NUMA1: variants seen among roughly 807,000 people sequenced by gnomAD.
The protein encoded by NUMA1 is nuclear mitotic apparatus protein 1, also known as SP-H antigen.
NUMA1 carries 62 observed loss-of-function variants against 237.1 expected under a neutral mutation model. The observed-to-expected ratio is 0.26, with a 90% confidence interval of 0.21 to 0.32. The LOEUF is 0.32. NUMA1 is among the 10% of genes least tolerant of loss of function. The pLI is 1.00. For missense variants in NUMA1, 2,533 were observed against 2,666.5 expected, an observed-to-expected ratio of 0.95 and a Z score of 1.10; for synonymous variants, 1,028 against 1,066.1, an observed-to-expected ratio of 0.96 and a Z score of 0.70.
chr11:72,018,764 C>T, intron 10 of NUMA1, 59 bp downstream of exon 10: 9 of 1,566,700 alleles, frequency 5.7e-6, no homozygotes, highest in Non-Finnish European at 7.8e-6. Flanking sequence ...ACATGGGAGG[C>T]CAGGGGACAT....
intron 2 of NUMA1, among the ~76,000 whole-genome samples, chr11:72,040,249 G>A (rs1337801436): frequency 2.0e-5 from 3 of 152,086 alleles, no homozygotes; most frequent in Non-Finnish European, 4.4e-5. Flanking sequence ...GAACCCCAAA[G>A]CCCTGGAGAG....
rs1956289915 is a variant in NUMA1, at chr11:72,013,538, G to A, written c.3965C>T (p.Ala1322Val). The A allele has an allele frequency of 8.7e-6, 14 of 1,613,488 alleles. No homozygotes were observed. The highest frequency in any genetic ancestry group is 8.5e-6 in the Non-Finnish European group (10 of 1,180,028). Residue 1322 changes from alanine to valine, a missense_variant, in exon 15 of 27, where the codon GCG (alanine) becomes GTG (valine). Physicochemically the swap from Ala to Val is moderately conservative, Grantham distance 64. Coordinates refer to ENST00000393695, the MANE Select transcript of NUMA1 (RefSeq NM_006185.4). The surrounding 1 kb of genome is among the most constrained non-coding windows in gnomAD (Gnocchi z 6.8). ...CTTCAATTCTTGGCCCAGCTCCTCCGCACGCTCAGCCTGTGAGGTCAGCTC... is the reference window on the plus strand; with the variant it reads ...CTTCAATTCTTGGCCCAGCTCCTCCACACGCTCAGCCTGTGAGGTCAGCTC... ...RQELTSQAER[A>V]EELGQELKAW...
At chr11:72,051,625 C>G (rs1942367264) in intron 2 of NUMA1, among the ~76,000 whole-genome samples, 1 of 152,086 alleles carries the variant, frequency 6.6e-6, no homozygotes, top group Admixed American at 6.6e-5. Context: ...GTGTGCAGGA[C>G]CATGCCCAGC....
chr11:72,039,388 CCTTT>C (rs1380041057), intron 2 of NUMA1, among the ~76,000 whole-genome samples: 1 of 152,230 alleles, frequency 6.6e-6, no homozygotes, highest in African/African-American at 2.4e-5. Flanking sequence ...GGTGCCAGCT[CCTTT>C]GAGACTGCCT....
chr11:72,044,460 G>A (rs763988664), intron 2 of NUMA1, among the ~76,000 whole-genome samples: 3 of 152,012 alleles, frequency 2.0e-5, no homozygotes, highest in Non-Finnish European at 4.4e-5. Context: ...CCTGGAGCAG[G>A]AGACTGGATC....
Position 72,018,996 on chromosome 11 carries a change from G to A in NUMA1, c.585-16C>T. ...TGAGAGAAAGCTGAGGAGGGAGAAGGCCCATATGCATTGGTAAGCGCCTAA... is the reference window on the plus strand; with the variant it reads ...TGAGAGAAAGCTGAGGAGGGAGAAGACCCATATGCATTGGTAAGCGCCTAA... On this transcript the variant is annotated splice_polypyrimidine_tract_variant and intron_variant, in intron 9 of 26. Transcript: ENST00000393695. 2 of 1,612,958 alleles carry A rather than the reference G, an allele frequency of 1.2e-6. No homozygotes were observed. The highest frequency in any genetic ancestry group is 1.3e-5 in the African/African-American group (1 of 74,938).
In NUMA1 at chr11:72,040,445, TAC is replaced by T. The variant is rs66621771; in HGVS notation, c.-32-4472_-32-4471del. Among the ~76,000 whole-genome samples the T allele has an allele frequency of 3.0e-3, 409 of 136,464 alleles. 10 individuals carry two copies. Among genetic ancestry groups the T allele is most frequent in the Middle Eastern group, 0.015 (4 of 274 alleles). The allele number at this position is 136,464 out of a possible 152,430, so 89.5% of individuals were successfully genotyped here. ...TGTATTGTACTGGGGCGCGTACACA[TAC>T]ACACACACACACACACACACACACA... On this transcript the variant is annotated intron_variant, in intron 2 of 26. Transcript: ENST00000393695.
intron 24 of NUMA1, 21 bp downstream of exon 24, chr11:72,004,619 C>T: frequency 6.2e-7 from 1 of 1,608,174 alleles, no homozygotes; most frequent in South Asian, 1.1e-5. Flanking sequence ...TGGAGTAACA[C>T]CCAGGAGCCA....
In NUMA1 at chr11:72,008,833, C is replaced by G. The variant is rs764909634; in HGVS notation, c.5071G>C (p.Asp1691His). 3.7e-6 allele frequency: 6 copies of G among 1,614,150 alleles called. No homozygotes were observed. The South Asian group carries it at 6.6e-5, about 18-fold the overall frequency. The stretch of plus-strand genomic sequence containing the variant: ...TTGCCCAGGTCTCGAAGCTGCTGGT[C>G]TGCATGGGCAACCTGAGAAGGAGAG... ...RSLEAQVAHA[D>H]QQLRDLGKFQ... Residue 1691 changes from aspartate to histidine, a missense_variant, in exon 20 of 27, where the codon GAC (aspartate) becomes CAC (histidine). By Grantham distance (81) the Asp-to-His change is moderately conservative (BLOSUM62 -1). Coordinates refer to ENST00000393695, the MANE Select transcript of NUMA1 (RefSeq NM_006185.4).
chr11:72,036,455 C>G (rs1378454165), intron 2 of NUMA1, among the ~76,000 whole-genome samples: 1 of 152,210 alleles, frequency 6.6e-6, no homozygotes, highest in Non-Finnish European at 1.5e-5. Flanking sequence ...AAAGATAAAG[C>G]AAATAGTACG....
chr11:72,009,188 G>A lies in NUMA1; in HGVS notation c.4840-3C>T. 1 of 1,591,816 alleles carries A rather than the reference G, an allele frequency of 6.3e-7. No individual in the cohort carries two copies. The highest frequency in any genetic ancestry group is 1.1e-5 in the South Asian group (1 of 89,768). ...TAATGTGTTTTGGCTTTCTCCATCT[G>A]TGGGCAGAGAGGGTGGGTGGGTGGG... On this transcript the variant is annotated splice_polypyrimidine_tract_variant and splice_region_variant and intron_variant, in intron 18 of 26. Transcript: ENST00000393695.
Position 72,012,389 on chromosome 11 carries a change from CT to C in NUMA1, c.4650+11del. 6.2e-7 allele frequency: 1 copy of C among 1,612,500 alleles called. No homozygotes were observed. The highest frequency in any genetic ancestry group is 1.1e-5 in the South Asian group (1 of 90,630). On this transcript the variant is annotated intron_variant, in intron 16 of 26. Transcript: ENST00000393695. ...TAAGCAGCCAGCATTTAGCGAGGAC[CT>C]CAGGCATTACCTGCTTAGTTTGCTC...
Position 72,030,297 on chromosome 11 carries a change from C to G in NUMA1, c.43-1007G>C, listed in dbSNP as rs182972203. 5.5e-5 allele frequency among the ~76,000 whole-genome samples: 8 copies of G among 146,518 alleles called. 1 individual carries two copies. Among genetic ancestry groups the G allele is most frequent in the Admixed American group, 4.9e-4 (7 of 14,252 alleles). On this transcript the variant is annotated intron_variant, in intron 3 of 26. Transcript: ENST00000393695. The stretch of plus-strand genomic sequence containing the variant: ...GCTGCAGTGAGCTGGGATTGCATCA[C>G]TGTACTCTAGCCTGAGTGACAGAGC...
chr11:72,049,623 C>G (rs1591040824), intron 2 of NUMA1: 1 of 76,506 alleles, frequency 1.3e-5, no homozygotes, highest in Non-Finnish European at 2.7e-5. Context: ...TTTGCCTATT[C>G]ATCTATCTAT....
At position 72,007,473 on chromosome 11, in the gene NUMA1, G is replaced by A. The variant is rs768552405; in HGVS notation, c.5217-38C>T. ...AACCTGCTGAGGTACAGTCCTTCAC[G>A]CTAGAAGGCATTTTGTCCAGCCCTT... On this transcript the variant is annotated intron_variant, in intron 20 of 26. Coordinates refer to ENST00000393695, the MANE Select transcript of NUMA1 (RefSeq NM_006185.4). 3.0e-5 allele frequency: 48 copies of A among 1,607,332 alleles called. 1 individual carries two copies. The highest frequency in any genetic ancestry group is 9.9e-5 in the South Asian group (9 of 90,492).
Position 72,009,034 on chromosome 11 carries a change from AGCCCAGCCTGCTGTAGCTCATG to A in NUMA1, c.4969_4990del (p.His1657Ter). The A allele has an allele frequency of 6.2e-7, 1 of 1,613,760 alleles. No homozygotes were observed. The highest frequency in any genetic ancestry group is 8.5e-7 in the Non-Finnish European group (1 of 1,180,008). On this transcript the variant is annotated frameshift_variant, in exon 19 of 27. Transcript: ENST00000393695. LOFTEE classifies it high-confidence loss of function. ...GGTCTGTTCAGCCTCCTTGGTCTTC[AGCCCAGCCTGCTGTAGCTCATG>A]GCCCAGCCGTTCAGCTTCAGCTCGC...
intron 2 of NUMA1, chr11:72,048,063 T>C (rs1292817689): frequency 6.6e-6 from 1 of 152,142 alleles, no homozygotes; most frequent in African/African-American, 2.4e-5. Context: ...GTCATGTAAG[T>C]AGTAAGTTGT....
chr11:72,013,739 A>G lies in NUMA1; in HGVS notation c.3764T>C (p.Val1255Ala). Reference protein sequence around the residue: ...EGESKELKRLVMAESEKSQKL... With the variant: ...EGESKELKRLAMAESEKSQKL... ...CTGGCTCTTCTCTGACTCGGCCATC[A>G]CCAGCCGCTTCAACTCCTTGCTCTC... The change falls in exon 15 of 27, where the codon GTG (valine) becomes GCG (alanine). Residue 1255 changes from valine to alanine, a missense_variant. Val to Ala is a moderately conservative substitution (Grantham distance 64). Coordinates refer to ENST00000393695, the MANE Select transcript of NUMA1 (RefSeq NM_006185.4). This position sits in a 1 kb window ranked among gnomAD's most constrained non-coding sequence, Gnocchi z 6.8. 6.2e-7 allele frequency: 1 copy of G among 1,608,920 alleles called. No individual in the cohort carries two copies. The highest frequency in any genetic ancestry group is 8.5e-7 in the Non-Finnish European group (1 of 1,179,920).
intron 2 of NUMA1, among the ~76,000 whole-genome samples, chr11:72,063,386 A>C (rs1246477157): frequency 1.3e-5 from 2 of 151,814 alleles, no homozygotes; most frequent in African/African-American, 2.4e-5. Context: ...CCTGTCTCAA[A>C]ACAAAGAAAC....
Sources: allele counts gnomAD v4.1 joint callset (sites outside exome capture counted in the v4.1 genomes callset), GRCh38; gene constraint gnomAD v4.1.1; non-coding constraint Gnocchi (gnomAD v3.1); transcripts MANE v1.5; gene names NCBI Gene and HGNC (gene_info 2026-07-23, HGNC 2026-07-21).